ABCA13: variants seen among roughly 807,000 people sequenced by gnomAD.
ABCA13 encodes ATP-binding cassette sub-family A member 13.
ABCA13 carries 476 observed loss-of-function variants against 478.7 expected under a neutral mutation model. The ratio of observed to expected loss-of-function variants is 0.99; its 90% CI spans 0.92 to 1.07. The LOEUF is 1.07. Ranked by LOEUF, ABCA13 falls within the 50% of genes least tolerant of loss-of-function variation. ABCA13 has a pLI of 0.00. For missense variants in ABCA13, 6,060 were observed against 5,910.6 expected (o/e 1.03, Z -0.83); for synonymous variants, 2,252 against 2,158.9 (o/e 1.04, Z -1.20).
rs547372572 is a variant in ABCA13 at position 48,266,489 on chromosome 7, A to AT, written c.2006-2483dup. Among the ~76,000 whole-genome samples the AT allele has an allele frequency of 1.2e-4, 18 of 151,482 alleles. 1 individual carries two copies. In the South Asian group the frequency reaches 1.5e-3, roughly 12 times the overall value. ...AGTTGTTCAATTTAGTATCATAAGG[A>AT]TTTTTTTTAAACTGTATTCTATTAT... On this transcript the variant is annotated intron_variant, in intron 15 of 61. Transcript: ENST00000435803.
chr7:48,584,601 G>A (rs1235573970), intron 56 of ABCA13, among the ~76,000 whole-genome samples: 1 of 152,162 alleles, frequency 6.6e-6, no homozygotes, highest in Non-Finnish European at 1.5e-5. Flanking sequence ...GCTGGTTCCT[G>A]CCTTGTGCAC....
At position 48,245,569 on chromosome 7, in the gene ABCA13, A is replaced by G; in HGVS notation, c.1448A>G (p.Gln483Arg). Residue 483 changes from glutamine to arginine, a missense_variant, in exon 12 of 62, where the codon CAA becomes CGA. Transcript: ENST00000435803. ...GATTTTAAATGGTTTGAACTTAACC[A>G]ATTGAAACTGGAAAAGGATGTGTTC... ...ANDFKWFELNQLKLEKDVFFW... is the reference protein window; with the variant it reads ...ANDFKWFELNRLKLEKDVFFW... The G allele has an allele frequency of 6.2e-7, 1 of 1,613,334 alleles. No individual in the cohort carries two copies. Among genetic ancestry groups the G allele is most frequent in the African/African-American group, 1.3e-5 (1 of 75,036 alleles).
chr7:48,298,159 C>A (rs535360937), intron 22 of ABCA13, among the ~76,000 whole-genome samples: 2 of 152,062 alleles, frequency 1.3e-5, no homozygotes, highest in Non-Finnish European at 2.9e-5. Flanking sequence ...CCAGAAAATA[C>A]CACAGAACCT....
rs1206827653 is a variant in ABCA13, at chr7:48,520,314, T to A, written c.14051+20T>A. 1.9e-6 allele frequency: 3 copies of A among 1,588,952 alleles called. No individual in the cohort carries two copies. Among genetic ancestry groups the A allele is most frequent in the African/African-American group, 2.7e-5 (2 of 74,262 alleles). ...GCCAAGGTGGGTTCTGAAGGACTCA[T>A]CCTCGAGCTGCACTTACTCCTGCAA... On this transcript the variant is annotated intron_variant, in intron 53 of 61. Coordinates refer to ENST00000435803, the MANE Select transcript of ABCA13 (RefSeq NM_152701.5).
chr7:48,442,260 G>A, intron 42 of ABCA13, among the ~76,000 whole-genome samples: 1 of 138,846 alleles, frequency 7.2e-6, no homozygotes, highest in East Asian at 2.3e-4. Flanking sequence ...TGTATTGGCA[G>A]CTTGGGCTGC....
In ABCA13 at chr7:48,295,722, C is replaced by A. The variant is rs375616028; in HGVS notation, c.8978C>A (p.Ser2993Ter). 3 of 1,613,902 alleles carry A rather than the reference C, an allele frequency of 1.9e-6. No homozygotes were observed. Residue 2993 changes from serine (S) to a stop codon, truncating the protein, a stop_gained, in exon 21 of 62, where the codon TCG becomes TAG. Coordinates refer to ENST00000435803, the MANE Select transcript of ABCA13 (RefSeq NM_152701.5). LOFTEE classifies it high-confidence loss of function. ...HFQEIEKIWS[S>*]PNQLNCESLS... The stretch of plus-strand genomic sequence containing the variant: ...TAGGAAATTGAAAAGATATGGTCCT[C>A]GCCGAATCAGCTAAATTGTGAAAGT...
At chr7:48,420,581 C>T (rs1031326630) in intron 41 of ABCA13, among the ~76,000 whole-genome samples, 2 of 152,082 alleles carry the variant, frequency 1.3e-5, no homozygotes, top group Non-Finnish European at 2.9e-5. Context: ...AGTTTCTTTC[C>T]TTCCAGCTTG....
At chr7:48,626,944 A>G in intron 59 of ABCA13, 1 of 985,400 alleles carries the variant, frequency 1.0e-6, no homozygotes, top group Non-Finnish European at 1.2e-6. Context: ...GTTGGGGGTG[A>G]TTATTGCGTA....
At chr7:48,318,040 T>C (rs1387840091) in intron 27 of ABCA13, among the ~76,000 whole-genome samples, 1 of 152,194 alleles carries the variant, frequency 6.6e-6, no homozygotes, top group Non-Finnish European at 1.5e-5. Context: ...AATTTGGTCT[T>C]ATTGTCAAAC....
At chr7:48,460,948 C>T (rs916464661) in intron 43 of ABCA13, among the ~76,000 whole-genome samples, 1 of 152,154 alleles carries the variant, frequency 6.6e-6, no homozygotes, top group Non-Finnish European at 1.5e-5. Context: ...AGAACATCTT[C>T]AATTATTTAT....
chr7:48,625,469 C>T (rs1793579705), intron 59 of ABCA13, among the ~76,000 whole-genome samples: 1 of 152,134 alleles, frequency 6.6e-6, no homozygotes, highest in East Asian at 1.9e-4. Flanking sequence ...TCATATAATT[C>T]ACCTGCTGCT....
intron 2 of ABCA13, among the ~76,000 whole-genome samples, chr7:48,195,418 C>T (rs1797795700): frequency 6.6e-6 from 1 of 152,072 alleles, no homozygotes; most frequent in Admixed American, 6.6e-5. Context: ...GATGGTTGTG[C>T]CCTGAAGCAG....
chr7:48,369,057 A>G (rs952275528), intron 32 of ABCA13, among the ~76,000 whole-genome samples: 1 of 152,030 alleles, frequency 6.6e-6, no homozygotes, highest in Non-Finnish European at 1.5e-5. Context: ...CATCCATGCC[A>G]ACATCGATTA....
At chr7:48,294,757 G>T (rs1231247935) in intron 20 of ABCA13, among the ~76,000 whole-genome samples, 1 of 152,176 alleles carries the variant, frequency 6.6e-6, no homozygotes. Flanking sequence ...GTTTCTATGG[G>T]TTTGACTTTT....
At chr7:48,627,756 C>A (rs1033900236) in intron 59 of ABCA13, among the ~76,000 whole-genome samples, 4 of 152,180 alleles carry the variant, frequency 2.6e-5, no homozygotes, top group Admixed American at 1.3e-4. Flanking sequence ...GATTTGGTGG[C>A]TGCCTCTGGT....
intron 59 of ABCA13, among the ~76,000 whole-genome samples, chr7:48,619,039 C>T (rs995155590): frequency 6.6e-6 from 1 of 152,218 alleles, no homozygotes; most frequent in Non-Finnish European, 1.5e-5. Flanking sequence ...CAATCACATT[C>T]TGCCTGCCTG....
chr7:48,479,015 T>G (rs1210535854), intron 45 of ABCA13, among the ~76,000 whole-genome samples: 4 of 151,244 alleles, frequency 2.6e-5, no homozygotes, highest in African/African-American at 9.7e-5. Context: ...TGGCGCGATC[T>G]TGGCTCACTG....
At chr7:48,413,774 T>C (rs1819581885) in intron 41 of ABCA13, among the ~76,000 whole-genome samples, 1 of 152,192 alleles carries the variant, frequency 6.6e-6, no homozygotes, top group South Asian at 2.1e-4. Flanking sequence ...TAAAAGATTG[T>C]GAAACATAAA....
intron 23 of ABCA13, among the ~76,000 whole-genome samples, chr7:48,300,836 C>A (rs1800043607): frequency 6.6e-6 from 1 of 152,212 alleles, no homozygotes; most frequent in Non-Finnish European, 1.5e-5. Context: ...CTAGCCCAGC[C>A]TTCTGTCCTG....
Sources: allele counts gnomAD v4.1 joint callset (sites outside exome capture counted in the v4.1 genomes callset), GRCh38; gene constraint gnomAD v4.1.1; transcripts MANE v1.5; gene names NCBI Gene and HGNC (gene_info 2026-07-23, HGNC 2026-07-21).